Variants in RPAP2 observed in about 807,000 individuals in gnomAD.
The protein encoded by RPAP2 is RNA polymerase II associated protein 2, also known as putative RNA polymerase II subunit B1 CTD phosphatase RPAP2.
A neutral mutation model predicts 73.1 loss-of-function variants in RPAP2; 52 were observed. That is an observed-to-expected ratio of 0.71 (90% CI 0.57 to 0.90). RPAP2 has a LOEUF of 0.90. Among genes scored for constraint, RPAP2 ranks in the 40% least tolerant of loss-of-function variants. The pLI, the probability that RPAP2 is intolerant of heterozygous loss-of-function variation, is 0.00. For missense variants in RPAP2, 598 were observed against 701.8 expected (o/e 0.85, Z 1.67); for synonymous variants, 225 against 242.1 (o/e 0.93, Z 0.65).
chr1:92,366,159 C>T (rs1046484109), intron 11 of RPAP2, among the ~76,000 whole-genome samples: 4 of 152,026 alleles, frequency 2.6e-5, no homozygotes, highest in Non-Finnish European at 4.4e-5. Context: ...ATGTTTTAGC[C>T]GGATGTGGTG....
intron 11 of RPAP2, among the ~76,000 whole-genome samples, chr1:92,370,535 G>C (rs1336579382): frequency 6.6e-6 from 1 of 152,140 alleles, no homozygotes; most frequent in Non-Finnish European, 1.5e-5. Context: ...TTATATATGA[G>C]AAACAGTGTC....
At chr1:92,334,995 TAAATAA>T (rs1001341982) in intron 9 of RPAP2, among the ~76,000 whole-genome samples, 1 of 151,190 alleles carries the variant, frequency 6.6e-6, no homozygotes, top group South Asian at 2.1e-4. Context: ...CTCAAAAAAA[TAAATAA>T]AAATAAAAAT....
chr1:92,325,758 AATATT>A (rs1402938123), intron 8 of RPAP2, among the ~76,000 whole-genome samples: 1 of 151,996 alleles, frequency 6.6e-6, no homozygotes, highest in Non-Finnish European at 1.5e-5. Flanking sequence ...TTCCAAAATT[AATATT>A]ATATTAGCAC....
At chr1:92,371,319 A>AAATATATAT (rs1199565882) in intron 11 of RPAP2, among the ~76,000 whole-genome samples, 6 of 61,724 alleles carry the variant, frequency 9.7e-5, no homozygotes, top group African/African-American at 3.6e-4. Context: ...AAAAAAAAAA[A>AAATATATAT]ATATATATAT....
intron 9 of RPAP2, among the ~76,000 whole-genome samples, chr1:92,334,258 GT>G (rs1471861574): frequency 1.2e-4 from 19 of 152,250 alleles, no homozygotes; most frequent in African/African-American, 4.3e-4. Context: ...TGGTATAGGA[GT>G]TTTTTGTTGT....
At chr1:92,315,196 T>C (rs980611833) in intron 6 of RPAP2, among the ~76,000 whole-genome samples, 2 of 152,030 alleles carry the variant, frequency 1.3e-5, no homozygotes, top group African/African-American at 4.8e-5. Context: ...CTAATTTCAA[T>C]ATTGTTGTGT....
chr1:92,389,006 G>A lies in RPAP2; in HGVS notation c.*1995G>A, dbSNP rs1018303666. The A allele has an allele frequency of 2.6e-5, 4 of 152,262 alleles. No homozygotes were observed. The highest frequency in any genetic ancestry group is 7.2e-5 in the African/African-American group (3 of 41,452). The allele number at this position is 152,262 out of a possible 1,614,324, so 9.4% of individuals were successfully genotyped here. On this transcript the variant is annotated 3_prime_UTR_variant, in exon 13 of 13. Transcript: ENST00000610020. ...GCAGACAGCTTCTCCAGACTTAAAC[G>A]TCCCTGCCTGACAGCTCTGAAGAGA...
intron 12 of RPAP2, among the ~76,000 whole-genome samples, chr1:92,382,434 G>GT (rs1297657560): frequency 4.6e-5 from 7 of 152,118 alleles, no homozygotes. Context: ...AGCACCTGTT[G>GT]TTTCCTGACT....
intron 5 of RPAP2, among the ~76,000 whole-genome samples, chr1:92,305,241 G>C (rs1651124119): frequency 2.0e-5 from 3 of 151,736 alleles, no homozygotes; most frequent in Non-Finnish European, 4.4e-5. Context: ...GACCATCCTG[G>C]CTAACACAGT....
intron 6 of RPAP2, among the ~76,000 whole-genome samples, chr1:92,311,145 G>A (rs114600209): frequency 0.015 from 2,355 of 152,280 alleles, 30 homozygotes; most frequent in Non-Finnish European, 0.026. Context: ...GAAGAGCGCT[G>A]TTTTGTTGGA....
At chr1:92,338,810 A>G (rs1230854478) in intron 10 of RPAP2, among the ~76,000 whole-genome samples, 3 of 151,604 alleles carry the variant, frequency 2.0e-5, no homozygotes, top group East Asian at 1.9e-4. Flanking sequence ...CAGTCTCACT[A>G]TGTTGCCCAG....
rs1656134009 is a variant in RPAP2 at position 92,394,464 on chromosome 1, T to TAG, written c.*7454_*7455insGA. 1 of 152,102 alleles carries TAG rather than the reference T, an allele frequency of 6.6e-6. No homozygotes were observed. The highest frequency in any genetic ancestry group is 1.9e-4 in the East Asian group (1 of 5,192). The allele number at this position is 152,102 out of a possible 1,614,324, so 9.4% of individuals were successfully genotyped here. ...TGTTCTGCACATGTAACCCAGAACT[T>TAG]AAAGTATAATAAAAAAAATAATTAT... is the stretch of plus-strand genomic sequence containing the variant. On this transcript the variant is annotated 3_prime_UTR_variant, in exon 13 of 13. Transcript: ENST00000610020.
chr1:92,309,277 A>G (rs1204160021), intron 6 of RPAP2, among the ~76,000 whole-genome samples: 1 of 152,038 alleles, frequency 6.6e-6, no homozygotes, highest in Non-Finnish European at 1.5e-5. Flanking sequence ...CCCTGTCTCT[A>G]CTAAAAATAC....
chr1:92,322,272 T>A (rs983860182), intron 7 of RPAP2, among the ~76,000 whole-genome samples: 12 of 150,634 alleles, frequency 8.0e-5, no homozygotes, highest in African/African-American at 2.9e-4. Flanking sequence ...AAACTTTTTT[T>A]AAAAAGGTCA....
At chr1:92,364,960 C>G (rs199617608) in intron 11 of RPAP2, among the ~76,000 whole-genome samples, 1 of 152,222 alleles carries the variant, frequency 6.6e-6, no homozygotes, top group African/African-American at 2.4e-5. Flanking sequence ...GTGGCCCCAA[C>G]TTACCTATTC....
chr1:92,351,305 C>CAAAAAAGAAAAA (rs1654198776), intron 11 of RPAP2, among the ~76,000 whole-genome samples: 1 of 86,838 alleles, frequency 1.2e-5, no homozygotes, highest in African/African-American at 4.2e-5. Flanking sequence ...GACTCTGTCT[C>CAAAAAAGAAAAA]AAAAAAAAAA....
At chr1:92,328,397 T>C (rs1461616925) in intron 8 of RPAP2, among the ~76,000 whole-genome samples, 2 of 152,244 alleles carry the variant, frequency 1.3e-5, no homozygotes, top group Non-Finnish European at 1.5e-5. Context: ...AAAAGCCTTG[T>C]CTTGAAGCTC....
intron 11 of RPAP2, among the ~76,000 whole-genome samples, chr1:92,365,293 TAAAC>T (rs1475859969): frequency 1.3e-5 from 2 of 152,194 alleles, no homozygotes; most frequent in African/African-American, 2.4e-5. Context: ...GTATAACAAA[TAAAC>T]AGAACTACAC....
chr1:92,323,907 A>G lies in RPAP2; in HGVS notation c.987A>G (p.Ile329Met). The G allele has an allele frequency of 6.2e-7, 1 of 1,614,156 alleles. No individual in the cohort carries two copies. The highest frequency in any genetic ancestry group is 8.5e-7 in the Non-Finnish European group (1 of 1,179,982). ...YSRSEITLVG[I>M]SKKSAEHFKR... ...GGTCAGAAATAACTCTAGTAGGCAT[A>G]AGTAAGAAAAGTGCAGAGCATTTTA... Residue 329 changes from isoleucine (I) to methionine (M), a missense_variant, in exon 8 of 13, where the codon ATA becomes ATG. By Grantham distance (10) the Ile-to-Met change is conservative (BLOSUM62 1). Coordinates refer to ENST00000610020, the MANE Select transcript of RPAP2 (RefSeq NM_024813.3).
Sources: allele counts gnomAD v4.1 joint callset (sites outside exome capture counted in the v4.1 genomes callset), GRCh38; gene constraint gnomAD v4.1.1; transcripts MANE v1.5; gene names NCBI Gene and HGNC (gene_info 2026-07-23, HGNC 2026-07-21).